The following SCN9A variants were observed in gnomAD, a reference collection of about 807,000 sequenced individuals.
SCN9A encodes the protein sodium channel protein type 9 subunit alpha.
In SCN9A, 131 loss-of-function variants were observed where a neutral mutation model predicts 187.0. That is an observed-to-expected ratio of 0.70 (90% CI 0.61 to 0.81). SCN9A has a LOEUF of 0.81. Ranked by LOEUF, SCN9A falls within the 30% of genes least tolerant of loss-of-function variation. The pLI is 0.00. For missense variants in SCN9A, 2,252 were observed against 2,396.6 expected, an observed-to-expected ratio of 0.94 and a Z score of 1.26; for synonymous variants, 809 against 808.6, an observed-to-expected ratio of 1.00 and a Z score of -0.01.
rs762274623 is a variant in SCN9A, at chr2:166,294,637, G to T, written c.927C>A (p.Ser309=). The change falls in exon 8 of 27, where the codon TCC becomes TCA. Residue 309 remains serine (S), a synonymous_variant. Coordinates refer to ENST00000642356, the MANE Select transcript of SCN9A (RefSeq NM_001365536.1). ...TGAAACCACAAAGGAGAGCATCTTT[G>T]GATCCTTCCAAGTAATAAAAATATT... ...FRKYFYYLEG[S]KDALLCGFST... The T allele has an allele frequency of 6.2e-6, 10 of 1,609,536 alleles. No homozygotes were observed. The Admixed American group carries it at 1.2e-4, about 19-fold the overall frequency.
intron 1 of SCN9A, among the ~76,000 whole-genome samples, chr2:166,358,102 T>C (rs980112164): frequency 2.6e-5 from 4 of 151,436 alleles, no homozygotes; most frequent in Non-Finnish European, 5.9e-5. Flanking sequence ...GGAGTCGCTC[T>C]CTCATTGCCC....
intron 1 of SCN9A, among the ~76,000 whole-genome samples, chr2:166,332,933 A>G (rs1438006416): frequency 2.0e-5 from 3 of 151,510 alleles, no homozygotes; most frequent in African/African-American, 4.8e-5. Flanking sequence ...ATATTTTAAA[A>G]TTAAATTTTC....
intron 2 of SCN9A, among the ~76,000 whole-genome samples, chr2:166,308,794 C>T (rs1263420408): frequency 6.6e-6 from 1 of 151,644 alleles, no homozygotes; most frequent in Non-Finnish European, 1.5e-5. Flanking sequence ...GGTGTGGTGG[C>T]GGGTACCTGT....
Position 166,288,505 on chromosome 2 carries a change from C to T in SCN9A, c.1246G>A (p.Ala416Thr), listed in dbSNP as rs748758312. 6.2e-7 allele frequency: 1 copy of T among 1,613,340 alleles called. No individual in the cohort carries two copies. The highest frequency in any genetic ancestry group is 8.5e-7 in the Non-Finnish European group (1 of 1,179,498). ...EEQNQANIEEAKQKELEFQQM... is the reference protein window; with the variant it reads ...EEQNQANIEETKQKELEFQQM... ...TGAAATTCTAATTCTTTCTGTTTAG[C>T]TTCTTCAATGTTTGCCTGGTTCTGT... The change falls in exon 10 of 27, where the codon GCT (alanine) becomes ACT (threonine). Residue 416 changes from alanine (A) to threonine (T), a missense_variant. Coordinates refer to ENST00000642356, the MANE Select transcript of SCN9A (RefSeq NM_001365536.1).
At chr2:166,263,027 G>T (rs895607198) in intron 17 of SCN9A, among the ~76,000 whole-genome samples, 3 of 151,832 alleles carry the variant, frequency 2.0e-5, no homozygotes, top group Admixed American at 6.6e-5. Context: ...TCCCTCTTTG[G>T]GCCTTATCGT....
intron 24 of SCN9A, among the ~76,000 whole-genome samples, chr2:166,218,295 G>A (rs1694425418): frequency 1.3e-5 from 2 of 150,678 alleles, no homozygotes; most frequent in South Asian, 4.2e-4. Flanking sequence ...AGCATTAGGA[G>A]ATATACCTAA....
At chr2:166,302,999 T>C in intron 7 of SCN9A, 91 bp downstream of exon 7, 2 of 1,013,050 alleles carry the variant, frequency 2.0e-6, no homozygotes, top group Admixed American at 4.8e-5. Flanking sequence ...AGCTTTGAAA[T>C]GATTAAAATG....
intron 17 of SCN9A, among the ~76,000 whole-genome samples, chr2:166,257,795 G>A (rs1696342988): frequency 6.6e-6 from 1 of 151,036 alleles, no homozygotes; most frequent in Non-Finnish European, 1.5e-5. Flanking sequence ...GATAATATTG[G>A]GTGTATATGC....
intron 24 of SCN9A, among the ~76,000 whole-genome samples, chr2:166,222,671 G>A (rs1004439048): frequency 2.1e-5 from 3 of 144,364 alleles, no homozygotes; most frequent in African/African-American, 5.7e-5. Context: ...GGTGGCTCAC[G>A]CCTGTAATCC....
intron 1 of SCN9A, among the ~76,000 whole-genome samples, chr2:166,336,785 G>A (rs1002644093): frequency 6.6e-6 from 1 of 152,100 alleles, no homozygotes; most frequent in African/African-American, 2.4e-5. Context: ...GTCATCCAGT[G>A]ATTAAGCTCT....
chr2:166,231,668 C>T (rs1302550778), intron 21 of SCN9A, among the ~76,000 whole-genome samples: 3 of 150,576 alleles, frequency 2.0e-5, no homozygotes, highest in Non-Finnish European at 4.4e-5. Flanking sequence ...TCTTCTGCCT[C>T]AGCCTCCCTA....
At chr2:166,330,505 T>C (rs1699474989) in intron 1 of SCN9A, among the ~76,000 whole-genome samples, 2 of 152,194 alleles carry the variant, frequency 1.3e-5, no homozygotes, top group Admixed American at 6.5e-5. Context: ...CACTTCTAAC[T>C]ACTGCATAAT....
intron 1 of SCN9A, 84 bp from the exon 2 acceptor site, chr2:166,311,890 G>T: frequency 1.3e-6 from 1 of 756,384 alleles, no homozygotes; most frequent in Non-Finnish European, 2.0e-6. Flanking sequence ...AACATAAACA[G>T]ATTTTTAGTT....
chr2:166,303,929 C>A, intron 6 of SCN9A: 1 of 1,181,476 alleles, frequency 8.5e-7, no homozygotes, highest in East Asian at 2.6e-5. Context: ...TTGTGGAAAA[C>A]AGAAGAAATC....
At chr2:166,214,281 G>C (rs1001667120) in intron 24 of SCN9A, among the ~76,000 whole-genome samples, 2 of 151,994 alleles carry the variant, frequency 1.3e-5, no homozygotes, top group African/African-American at 4.8e-5. Context: ...AGCACTCTCA[G>C]AAGCTTTAAT....
chr2:166,351,423 A>C (rs945021626), intron 1 of SCN9A, among the ~76,000 whole-genome samples: 1 of 152,200 alleles, frequency 6.6e-6, no homozygotes, highest in Non-Finnish European at 1.5e-5. Flanking sequence ...GATGTGGGTC[A>C]TGTGGTAAGG....
Position 166,199,403 on chromosome 2 carries a change from T to C in SCN9A, c.5236A>G (p.Ile1746Val). 1 of 1,614,220 alleles carries C rather than the reference T, an allele frequency of 6.2e-7. No homozygotes were observed. Among genetic ancestry groups the C allele is most frequent in the South Asian group, 1.1e-5 (1 of 91,080 alleles). ...ATGTTCACCACAACCAGGAAGGATA[T>C]GATGATATAACTAACAAAGTAGAAT... ...GIFYFVSYII[I>V]SFLVVVNMYI... is the part of the protein sequence containing the mutation. Residue 1746 changes from isoleucine to valine, a missense_variant, in exon 27 of 27, where the codon ATA (isoleucine) becomes GTA (valine). By Grantham distance (29) the Ile-to-Val change is conservative. This residue lies in a region of SCN9A where 345 missense variants were observed against 344.6 expected (regional missense o/e 1.00). Transcript: ENST00000642356.
At chr2:166,346,582 T>C (rs1444380854) in intron 1 of SCN9A, among the ~76,000 whole-genome samples, 1 of 152,014 alleles carries the variant, frequency 6.6e-6, no homozygotes, top group Non-Finnish European at 1.5e-5. Flanking sequence ...AAAATATGTA[T>C]CTCCTGTTTG....
chr2:166,271,473 A>G (rs1297882763), intron 17 of SCN9A, among the ~76,000 whole-genome samples: 4 of 152,090 alleles, frequency 2.6e-5, no homozygotes, highest in African/African-American at 9.7e-5. Flanking sequence ...TGGTACAGGT[A>G]AAAATCTATG....
Sources: allele counts gnomAD v4.1 joint callset (sites outside exome capture counted in the v4.1 genomes callset), GRCh38; gene constraint gnomAD v4.1.1; regional missense constraint gnomAD v4.1.1; transcripts MANE v1.5; gene names NCBI Gene and HGNC (gene_info 2026-07-23, HGNC 2026-07-21).